Variants in NALF1 observed in about 807,000 individuals in gnomAD.
NALF1 encodes family with sequence similarity 155 member A.
A neutral mutation model predicts 48.4 loss-of-function variants in NALF1; 3 were observed. The observed-to-expected ratio is 0.06, with a 90% CI of 0.03 to 0.16. The LOEUF (loss-of-function observed/expected upper bound fraction) is 0.16, where lower values mean the gene tolerates loss of function less well. Among genes scored for constraint, NALF1 ranks in the 10% least tolerant of loss-of-function variants. The pLI is 1.00. For missense variants in NALF1, 526 were observed against 571.5 expected (o/e 0.92, Z 0.81); for synonymous variants, 262 against 245.7 (o/e 1.07, Z -0.62).
At chr13:107,388,022 T>C (rs1286573398) in intron 1 of NALF1, among the ~76,000 whole-genome samples, 2 of 152,174 alleles carry the variant, frequency 1.3e-5, no homozygotes, top group African/African-American at 4.8e-5. Flanking sequence ...CCTGAGTGAA[T>C]GTTTGTAGAA....
At chr13:107,739,442 A>T (rs1876565932) in intron 1 of NALF1, among the ~76,000 whole-genome samples, 1 of 148,278 alleles carries the variant, frequency 6.7e-6, no homozygotes, top group Non-Finnish European at 1.5e-5. Context: ...ATATAATATT[A>T]TATATTATAT....
intron 1 of NALF1, among the ~76,000 whole-genome samples, chr13:107,565,384 CAA>C (rs10631309): frequency 1.7e-5 from 2 of 119,468 alleles, no homozygotes; most frequent in African/African-American, 3.3e-5. Context: ...GACCTTATCT[CAA>C]AAAAAAAAAA....
intron 1 of NALF1, among the ~76,000 whole-genome samples, chr13:107,464,518 T>A (rs1884969229): frequency 6.6e-6 from 1 of 151,628 alleles, no homozygotes; most frequent in African/African-American, 2.4e-5. Context: ...CAATACAAAT[T>A]TTTTTTTTAA....
intron 1 of NALF1, among the ~76,000 whole-genome samples, chr13:107,324,132 C>G (rs932117466): frequency 1.3e-5 from 2 of 152,120 alleles, no homozygotes; most frequent in Non-Finnish European, 2.9e-5. Context: ...GAAATTTTTT[C>G]ACCAGTAGGA....
intron 1 of NALF1, among the ~76,000 whole-genome samples, chr13:107,735,943 C>A (rs1876455104): frequency 6.6e-6 from 1 of 152,042 alleles, no homozygotes; most frequent in Non-Finnish European, 1.5e-5. Flanking sequence ...CTTTTCTCTG[C>A]TCTGAGTTAT....
At chr13:107,630,170 T>A (rs1879795348) in intron 1 of NALF1, among the ~76,000 whole-genome samples, 1 of 113,508 alleles carries the variant, frequency 8.8e-6, no homozygotes, top group South Asian at 3.1e-4. Context: ...TCATAAAAAA[T>A]TTGCAACCTC....
At chr13:107,617,986 T>C (rs898758750) in intron 1 of NALF1, among the ~76,000 whole-genome samples, 1 of 152,314 alleles carries the variant, frequency 6.6e-6, no homozygotes, top group Admixed American at 6.5e-5. Flanking sequence ...CATATATTTA[T>C]TGAGATAGTC....
chr13:107,735,900 G>A (rs184228517), intron 1 of NALF1, among the ~76,000 whole-genome samples: 1 of 152,098 alleles, frequency 6.6e-6, no homozygotes, highest in Non-Finnish European at 1.5e-5. Flanking sequence ...TGAGAATTGT[G>A]CATTCTTGAG....
At chr13:107,299,841 T>C (rs1190899163) in intron 1 of NALF1, among the ~76,000 whole-genome samples, 2 of 152,174 alleles carry the variant, frequency 1.3e-5, no homozygotes, top group Non-Finnish European at 2.9e-5. Context: ...ATTTCTCCTG[T>C]TCATCTGGCT....
intron 1 of NALF1, among the ~76,000 whole-genome samples, chr13:107,337,819 G>T (rs1882588836): frequency 6.6e-6 from 1 of 152,154 alleles, no homozygotes; most frequent in African/African-American, 2.4e-5. Context: ...GTTGGTTGTT[G>T]CTTAACGTCT....
chr13:107,670,407 C>A (rs1253862443), intron 1 of NALF1, among the ~76,000 whole-genome samples: 1 of 152,056 alleles, frequency 6.6e-6, no homozygotes, highest in Non-Finnish European at 1.5e-5. Flanking sequence ...TTAAGTGAGA[C>A]CTCTCAGAAA....
chr13:107,412,591 C>T (rs1884011425), intron 1 of NALF1, among the ~76,000 whole-genome samples: 1 of 152,112 alleles, frequency 6.6e-6, no homozygotes, highest in African/African-American at 2.4e-5. Flanking sequence ...ATATTTGTGC[C>T]CCTGCAGCAA....
chr13:107,216,668 C>A (rs766827286), intron 1 of NALF1, among the ~76,000 whole-genome samples: 1 of 152,166 alleles, frequency 6.6e-6, no homozygotes, highest in Non-Finnish European at 1.5e-5. Flanking sequence ...ATTTCAGGGC[C>A]TCCTGAGCTT....
At chr13:107,528,688 C>T (rs1876524727) in intron 1 of NALF1, among the ~76,000 whole-genome samples, 1 of 152,010 alleles carries the variant, frequency 6.6e-6, no homozygotes, top group Non-Finnish European at 1.5e-5. Context: ...GAGGAATTAC[C>T]CCATCAGAGA....
At chr13:107,656,870 C>G (rs1880589970) in intron 1 of NALF1, among the ~76,000 whole-genome samples, 1 of 152,118 alleles carries the variant, frequency 6.6e-6, no homozygotes, top group Non-Finnish European at 1.5e-5. Flanking sequence ...TAGATGGAAT[C>G]GGAGACTACT....
chr13:107,303,638 A>AT (rs954471769), intron 1 of NALF1, among the ~76,000 whole-genome samples: 3 of 152,092 alleles, frequency 2.0e-5, no homozygotes, highest in Non-Finnish European at 4.4e-5. Flanking sequence ...AGCAATGTAG[A>AT]TTTTTTTCCC....
chr13:107,594,204 C>T (rs1566407197), intron 1 of NALF1, among the ~76,000 whole-genome samples: 1 of 152,068 alleles, frequency 6.6e-6, no homozygotes, highest in Non-Finnish European at 1.5e-5. Context: ...TCTGCGTTGT[C>T]ATCCGTAGCT....
chr13:107,650,439 G>A (rs2138467223), intron 1 of NALF1, among the ~76,000 whole-genome samples: 1 of 148,086 alleles, frequency 6.8e-6, no homozygotes, highest in East Asian at 2.0e-4. Flanking sequence ...GCAGTGACCT[G>A]GATGAGACTG....
chr13:107,317,937 T>G (rs536841940), intron 1 of NALF1, among the ~76,000 whole-genome samples: 1 of 152,092 alleles, frequency 6.6e-6, no homozygotes, highest in Non-Finnish European at 1.5e-5. Context: ...AAATGTTAAA[T>G]TTTTGGAATA....
Sources: gnomAD v4.1 joint callset for allele counts (sites outside exome capture counted in the v4.1 genomes callset) on GRCh38, gnomAD v4.1.1 for gene constraint, MANE v1.5 for transcripts, NCBI Gene and HGNC (gene_info 2026-07-23, HGNC 2026-07-21) for gene names.